Variants in PRKACB observed in about 807,000 individuals in gnomAD.
PRKACB encodes cAMP-dependent protein kinase catalytic subunit beta.
A neutral mutation model predicts 51.4 loss-of-function variants in PRKACB; 16 were observed. The observed-to-expected ratio is 0.31, with a 90% CI of 0.21 to 0.47. PRKACB has a LOEUF of 0.47. Ranked by LOEUF, PRKACB falls within the 20% of genes least tolerant of loss-of-function variation. The probability of loss-of-function intolerance (pLI) is 1.00; values close to 1 mark genes in which losing one functional copy is unlikely to be tolerated. For missense variants in PRKACB, 309 were observed against 464.5 expected (o/e 0.67, Z 3.08); for synonymous variants, 147 against 154.4 (o/e 0.95, Z 0.35).
chr1:84,090,385 C>T (rs561017357), intron 1 of PRKACB, among the ~76,000 whole-genome samples: 6 of 152,178 alleles, frequency 3.9e-5, no homozygotes, highest in Non-Finnish European at 8.8e-5. Flanking sequence ...ATTGTTCCAT[C>T]ATGCAGGACT....
chr1:84,199,017 G>A (rs556756157), intron 7 of PRKACB, among the ~76,000 whole-genome samples: 120 of 142,758 alleles, frequency 8.4e-4, no homozygotes, highest in African/African-American at 2.5e-3. Flanking sequence ...ACATATATGC[G>A]TATATATACA....
At chr1:84,141,771 C>T (rs955770804), upstream of PRKACB, among the ~76,000 whole-genome samples, 3 of 151,850 alleles carry the variant, frequency 2.0e-5, no homozygotes, top group Admixed American at 6.6e-5. Flanking sequence ...TGAAATGTTA[C>T]GATTAGTTTG....
chr1:84,189,860 GC>G (rs1666241863), intron 5 of PRKACB, among the ~76,000 whole-genome samples: 1 of 151,914 alleles, frequency 6.6e-6, no homozygotes, highest in Non-Finnish European at 1.5e-5. Flanking sequence ...AATATAGAGA[GC>G]AAGATTCTGG....
In PRKACB at chr1:84,078,343, C is replaced by T. The variant is rs1367286772; in HGVS notation, c.18C>T (p.Thr6=). 4 of 1,612,450 alleles carry T rather than the reference C, an allele frequency of 2.5e-6. No homozygotes were observed. The East Asian group carries it at 8.9e-5, about 36-fold the overall frequency. ...CCCCAGACATGGGGAACGCGGCGAC[C>T]GCCAAGAAAGGCAGCGAGGTGGAGA... Residue 6 remains threonine, a synonymous_variant, in exon 1 of 9, where the codon ACC becomes ACT. Coordinates refer to the PRKACB transcript ENST00000370688.
chr1:84,134,024 G>A (rs1466327499), intron 1 of PRKACB, among the ~76,000 whole-genome samples: 3 of 152,296 alleles, frequency 2.0e-5, no homozygotes, highest in South Asian at 2.1e-4. Flanking sequence ...GGCTCTCAGC[G>A]GGAAAGGGAG....
chr1:84,228,390 G>A (rs917638474), intron 9 of PRKACB, among the ~76,000 whole-genome samples: 2 of 152,114 alleles, frequency 1.3e-5, no homozygotes, highest in East Asian at 1.9e-4. Context: ...TTGGTCAATC[G>A]ACTCTTTTAT....
chr1:84,204,771 C>T, intron 8 of PRKACB: 1 of 889,196 alleles, frequency 1.1e-6, no homozygotes, highest in South Asian at 5.4e-5. Flanking sequence ...TATAAGAAAT[C>T]CAATTTTCTA....
chr1:84,175,745 A>C, intron 1 of PRKACB: 1 of 1,482,102 alleles, frequency 6.7e-7, no homozygotes, highest in Non-Finnish European at 9.1e-7. Context: ...TTTTTTTTTC[A>C]TCTCTTGAAT....
At chr1:84,156,369 A>G (rs1442255840) in intron 1 of PRKACB, among the ~76,000 whole-genome samples, 3 of 152,150 alleles carry the variant, frequency 2.0e-5, no homozygotes, top group Non-Finnish European at 2.9e-5. Context: ...AACAAATTTT[A>G]TGTACCTTGT....
intron 5 of PRKACB, among the ~76,000 whole-genome samples, chr1:84,194,819 T>A (rs1044623723): frequency 1.3e-5 from 2 of 151,912 alleles, no homozygotes; most frequent in African/African-American, 2.4e-5. Flanking sequence ...GCAACTGTAG[T>A]CCCAGCTACT....
chr1:84,086,248 TCCTGGTTC>T (rs995005967), intron 1 of PRKACB: 23 of 1,547,766 alleles, frequency 1.5e-5, no homozygotes, highest in Non-Finnish European at 2.0e-5. Context: ...CAAGGACAAG[TCCTGGTTC>T]CCTTGCCCCC....
At chr1:84,146,955 A>C (rs1654179153) in intron 1 of PRKACB, among the ~76,000 whole-genome samples, 1 of 152,042 alleles carries the variant, frequency 6.6e-6, no homozygotes, top group African/African-American at 2.4e-5. Context: ...TTCAAAGAAA[A>C]GCATGGAGGA....
intron 1 of PRKACB, among the ~76,000 whole-genome samples, chr1:84,173,855 T>C (rs934013034): frequency 2.6e-5 from 4 of 151,848 alleles, no homozygotes; most frequent in African/African-American, 9.7e-5. Context: ...AAAAACATTA[T>C]TGCTTGTGGT....
chr1:84,128,143 G>A (rs1651817452), intron 1 of PRKACB, among the ~76,000 whole-genome samples: 2 of 150,698 alleles, frequency 1.3e-5, no homozygotes, highest in Non-Finnish European at 1.5e-5. Context: ...TGAGTAGCTG[G>A]AATTACAGGC....
At chr1:84,194,007 A>C (rs1328067052) in intron 5 of PRKACB, among the ~76,000 whole-genome samples, 1 of 152,138 alleles carries the variant, frequency 6.6e-6, no homozygotes, top group Non-Finnish European at 1.5e-5. Context: ...TCATTTATTG[A>C]CTTACTATGC....
At chr1:84,174,853 ATTTC>A (rs1660698816) in intron 1 of PRKACB, among the ~76,000 whole-genome samples, 1 of 152,018 alleles carries the variant, frequency 6.6e-6, no homozygotes, top group Admixed American at 6.6e-5. Context: ...ATAGTTACTT[ATTTC>A]TTTACCATTT....
intron 1 of PRKACB, among the ~76,000 whole-genome samples, chr1:84,090,096 G>T (rs1449191285): frequency 6.6e-6 from 1 of 152,138 alleles, no homozygotes; most frequent in Non-Finnish European, 1.5e-5. Context: ...AACCTCAAAT[G>T]AGCTGTCAAC....
chr1:84,222,887 C>G (rs776251674), intron 9 of PRKACB, among the ~76,000 whole-genome samples: 8 of 152,154 alleles, frequency 5.3e-5, no homozygotes, highest in Non-Finnish European at 1.0e-4. Flanking sequence ...CCACGTTAGT[C>G]TGATGGAGGT....
Position 84,197,819 on chromosome 1 carries a change from A to C in PRKACB, c.778A>C (p.Ser260Arg), listed in dbSNP as rs909902297. Residue 260 changes from serine (S) to arginine (R), a missense_variant, in exon 7 of 10, where the codon AGC (serine) becomes CGC (arginine). This residue lies in a region of PRKACB where 60 missense variants were observed against 144.4 expected (regional missense o/e 0.42). Transcript: ENST00000370685. ...PEYLAPEIIL[S>R]KGYNKAVDWW... ...GTATTTGGCTCCAGAAATAATTCTC[A>C]GCAAGGTATATTCATAATATCAACA... The C allele has an allele frequency of 1.0e-5, 16 of 1,595,104 alleles. No individual in the cohort carries two copies. Among genetic ancestry groups the C allele is most frequent in the Non-Finnish European group, 1.2e-5 (14 of 1,163,800 alleles).
Sources: allele counts gnomAD v4.1 joint callset (sites outside exome capture counted in the v4.1 genomes callset), GRCh38; gene constraint gnomAD v4.1.1; regional missense constraint gnomAD v4.1.1; transcripts MANE v1.5; gene names NCBI Gene and HGNC (gene_info 2026-07-23, HGNC 2026-07-21).